The following CDH13 variants were observed in gnomAD, a reference collection of about 807,000 sequenced individuals.
The protein encoded by CDH13 is cadherin 13, also known as cadherin-13.
CDH13 carries 24 observed loss-of-function variants against 63.8 expected under a neutral mutation model. The ratio of observed to expected loss-of-function variants is 0.38; its 90% CI spans 0.27 to 0.53. CDH13 has a LOEUF of 0.53. CDH13 is among the 20% of genes least tolerant of loss of function. The pLI, the probability that CDH13 is intolerant of heterozygous loss-of-function variation, is 0.85. For missense variants in CDH13, 1,049 were observed against 903.1 expected, an observed-to-expected ratio of 1.16 and a Z score of -2.07; for synonymous variants, 503 against 355.3, an observed-to-expected ratio of 1.42 and a Z score of -4.67.
At chr16:83,045,264 C>T (rs1009242464) in intron 3 of CDH13, among the ~76,000 whole-genome samples, 15 of 152,130 alleles carry the variant, frequency 9.9e-5, no homozygotes, top group Non-Finnish European at 2.2e-4. Flanking sequence ...AAACTTTCCT[C>T]GTGAACAGAA....
chr16:83,101,069 C>G (rs1283227042), intron 3 of CDH13, among the ~76,000 whole-genome samples: 2 of 152,080 alleles, frequency 1.3e-5, no homozygotes, highest in African/African-American at 4.8e-5. Flanking sequence ...TGAGCACCTA[C>G]TATATGCCAG....
At chr16:82,866,227 G>A (rs2040132582) in intron 2 of CDH13, among the ~76,000 whole-genome samples, 1 of 151,894 alleles carries the variant, frequency 6.6e-6, no homozygotes, top group Non-Finnish European at 1.5e-5. Flanking sequence ...ACATCTTCCT[G>A]TCTTCCTCTG....
intron 7 of CDH13, among the ~76,000 whole-genome samples, chr16:83,589,684 C>T (rs897151227): frequency 2.6e-5 from 4 of 152,072 alleles, no homozygotes; most frequent in African/African-American, 9.7e-5. Flanking sequence ...ATACATGAAC[C>T]TGACATTGAG....
intron 8 of CDH13, among the ~76,000 whole-genome samples, chr16:83,602,974 G>A (rs1280756356): frequency 1.3e-5 from 2 of 152,124 alleles, no homozygotes; most frequent in Non-Finnish European, 2.9e-5. Flanking sequence ...GAGGCCAGAC[G>A]GAACAGTAGC....
At chr16:82,937,489 AAC>A (rs1438320694) in intron 2 of CDH13, among the ~76,000 whole-genome samples, 1 of 152,170 alleles carries the variant, frequency 6.6e-6, no homozygotes, top group Non-Finnish European at 1.5e-5. Flanking sequence ...ATTCCGTGAG[AAC>A]AGAGTCAGCA....
At chr16:82,647,481 C>CG (rs1180030463) in intron 1 of CDH13, among the ~76,000 whole-genome samples, 4 of 152,068 alleles carry the variant, frequency 2.6e-5, no homozygotes, top group Admixed American at 6.5e-5. Flanking sequence ...AGGAAACAGA[C>CG]GAGGGGTCTG....
At chr16:83,240,687 A>C (rs1904340931) in intron 5 of CDH13, among the ~76,000 whole-genome samples, 2 of 150,674 alleles carry the variant, frequency 1.3e-5, no homozygotes, top group African/African-American at 4.9e-5. Flanking sequence ...AAAAAAAAAA[A>C]AAACATGACT....
chr16:83,275,267 T>C (rs1032455660), intron 5 of CDH13, among the ~76,000 whole-genome samples: 1 of 147,216 alleles, frequency 6.8e-6, no homozygotes, highest in South Asian at 2.1e-4. Flanking sequence ...TCTTTTTTGC[T>C]ATTTTTCTTT....
intron 1 of CDH13, among the ~76,000 whole-genome samples, chr16:82,733,493 C>A (rs574998997): frequency 6.6e-6 from 1 of 152,078 alleles, no homozygotes; most frequent in African/African-American, 2.4e-5. Context: ...GGAAAGAGTT[C>A]ATGATTTGGC....
intron 13 of CDH13, among the ~76,000 whole-genome samples, chr16:83,784,729 T>C (rs1391784644): frequency 2.6e-5 from 4 of 151,970 alleles, no homozygotes. Context: ...CTTCCCCTCC[T>C]GACCTGCCCC....
chr16:82,765,556 G>C (rs1373487073), intron 1 of CDH13, among the ~76,000 whole-genome samples: 1 of 152,186 alleles, frequency 6.6e-6, no homozygotes, highest in Admixed American at 6.5e-5. Flanking sequence ...TATCAATGGG[G>C]AATCTACATT....
chr16:83,672,239 G>C (rs1914559430), intron 9 of CDH13, among the ~76,000 whole-genome samples: 1 of 151,894 alleles, frequency 6.6e-6, no homozygotes, highest in Non-Finnish European at 1.5e-5. Context: ...GTAGGCTGGT[G>C]GCTTATAAAC....
chr16:83,766,121 T>C (rs1914366860), intron 11 of CDH13, among the ~76,000 whole-genome samples: 1 of 152,104 alleles, frequency 6.6e-6, no homozygotes, highest in Non-Finnish European at 1.5e-5. Context: ...CTAGCCAAGG[T>C]CCCTCTCTAT....
At chr16:83,349,749 T>C (rs1403643561) in intron 6 of CDH13, among the ~76,000 whole-genome samples, 1 of 152,046 alleles carries the variant, frequency 6.6e-6, no homozygotes, top group East Asian at 1.9e-4. Context: ...TACAGACACC[T>C]GCCACCACGC....
At chr16:83,568,101 C>A (rs1219356163) in intron 7 of CDH13, among the ~76,000 whole-genome samples, 1 of 152,086 alleles carries the variant, frequency 6.6e-6, no homozygotes, top group Non-Finnish European at 1.5e-5. Flanking sequence ...AAATCAAATT[C>A]TCTTCTCCTC....
rs116032553 is a variant in CDH13 at position 83,513,987 on chromosome 16, T to C, written c.960+27332T>C. ...TCTGTCCAATAGAGACTGTCTTGTA[T>C]GTTAAAAGTTCATCATCAGGAGCTG... On this transcript the variant is annotated intron_variant, in intron 7 of 13. Transcript: ENST00000567109. Among the ~76,000 whole-genome samples, 456 of 152,284 alleles carry C rather than the reference T, an allele frequency of 3.0e-3. 1 individual carries two copies. The highest frequency in any genetic ancestry group is 0.01 in the African/African-American group (429 of 41,546).
intron 7 of CDH13, among the ~76,000 whole-genome samples, chr16:83,517,470 T>C (rs978125007): frequency 5.3e-5 from 8 of 152,202 alleles, no homozygotes; most frequent in Non-Finnish European, 1.2e-4. Context: ...GCTTGCAGCA[T>C]GTGGAGCACT....
chr16:82,692,302 C>G (rs1334174572), intron 1 of CDH13, among the ~76,000 whole-genome samples: 1 of 152,174 alleles, frequency 6.6e-6, no homozygotes, highest in African/African-American at 2.4e-5. Context: ...TCTCACCCTG[C>G]TTAGTAAAGA....
At chr16:83,265,103 T>G (rs1907447528) in intron 5 of CDH13, among the ~76,000 whole-genome samples, 1 of 152,242 alleles carries the variant, frequency 6.6e-6, no homozygotes, top group Non-Finnish European at 1.5e-5. Flanking sequence ...CTTGTCAATG[T>G]CTTTAAATGT....
Sources: gnomAD v4.1 joint callset for allele counts (sites outside exome capture counted in the v4.1 genomes callset) on GRCh38, gnomAD v4.1.1 for gene constraint, MANE v1.5 for transcripts, NCBI Gene and HGNC (gene_info 2026-07-23, HGNC 2026-07-21) for gene names.